The following TRABD2B variants were observed in gnomAD, a reference collection of about 807,000 sequenced individuals.
TRABD2B encodes TraB domain containing 2B.
Under a neutral mutation model 40.1 loss-of-function variants are expected in TRABD2B, and 14 were observed. That is an observed-to-expected ratio of 0.35 (90% CI 0.23 to 0.55). The LOEUF is 0.55. TRABD2B is among the 20% of genes least tolerant of loss of function. The pLI is 0.90. For synonymous variants in TRABD2B, 263 were observed against 277.0 expected, an observed-to-expected ratio of 0.95 and a Z score of 0.50; for missense variants, 541 against 648.6, an observed-to-expected ratio of 0.83 and a Z score of 1.80.
At chr1:47,844,609 G>C (rs1453256372) in intron 2 of TRABD2B, among the ~76,000 whole-genome samples, 1 of 152,192 alleles carries the variant, frequency 6.6e-6, no homozygotes, top group Non-Finnish European at 1.5e-5. Flanking sequence ...CAGACGCTCT[G>C]CTCCAAGGGT....
chr1:47,867,243 T>C (rs941922630), intron 2 of TRABD2B, among the ~76,000 whole-genome samples: 1 of 152,174 alleles, frequency 6.6e-6, no homozygotes, highest in Non-Finnish European at 1.5e-5. Context: ...CTTCCATATC[T>C]ATATCTTTTT....
chr1:47,977,680 G>GA (rs113365038), intron 2 of TRABD2B, among the ~76,000 whole-genome samples: 37,286 of 131,264 alleles, frequency 0.28, 5,047 homozygotes, highest in East Asian at 0.31. Flanking sequence ...TGGCCGGGAT[G>GA]AAAAAAAAAA....
At chr1:47,830,692 T>C (rs1163287320) in intron 2 of TRABD2B, among the ~76,000 whole-genome samples, 1 of 152,220 alleles carries the variant, frequency 6.6e-6, no homozygotes, top group Non-Finnish European at 1.5e-5. Flanking sequence ...TTATCTCTTT[T>C]TTATTTTCTT....
At chr1:47,879,153 T>C (rs1196310209) in intron 2 of TRABD2B, among the ~76,000 whole-genome samples, 1 of 151,622 alleles carries the variant, frequency 6.6e-6, no homozygotes, top group African/African-American at 2.4e-5. Context: ...TAGTACGACA[T>C]GTAGGAAGCA....
chr1:47,996,651 G>T lies in TRABD2B; in HGVS notation c.102+37C>A. 1 of 1,227,258 alleles carries T rather than the reference G, an allele frequency of 8.1e-7. No individual in the cohort carries two copies. Among genetic ancestry groups the T allele is most frequent in the South Asian group, 4.1e-5 (1 of 24,318 alleles). 76.0% of individuals were successfully genotyped at this position (1,227,258 alleles called of 1,614,324 possible). A position where few individuals can be genotyped will look rare whatever the true frequency, so the allele number is the denominator to read the frequency against. On this transcript the variant is annotated intron_variant, in intron 1 of 6. Transcript: ENST00000606738. This position sits in a 1 kb window ranked among gnomAD's most constrained non-coding sequence, Gnocchi z 4.6. The stretch of plus-strand genomic sequence containing the variant: ...TGGTCCCACGGGACTAGAATACCCA[G>T]GCAGGCGGGAGAGTGGCCGGGCAGG...
At chr1:47,863,823 T>C (rs1057460550) in intron 2 of TRABD2B, among the ~76,000 whole-genome samples, 4 of 152,200 alleles carry the variant, frequency 2.6e-5, no homozygotes, top group Non-Finnish European at 4.4e-5. Context: ...TTGTTCATAA[T>C]TGACGGAACT....
intron 2 of TRABD2B, among the ~76,000 whole-genome samples, chr1:47,898,980 G>A (rs370867445): frequency 2.6e-5 from 4 of 152,090 alleles, no homozygotes; most frequent in Non-Finnish European, 5.9e-5. Flanking sequence ...CAGTCTTCAC[G>A]GCCTTCACCA....
intron 2 of TRABD2B, among the ~76,000 whole-genome samples, chr1:47,871,438 C>G (rs1379841210): frequency 4.6e-5 from 7 of 152,122 alleles, no homozygotes; most frequent in African/African-American, 1.7e-4. Flanking sequence ...CAAAAACAAA[C>G]CAGCCCCCAC....
chr1:47,905,467 T>C (rs1030168026), intron 2 of TRABD2B, among the ~76,000 whole-genome samples: 6 of 152,154 alleles, frequency 3.9e-5, no homozygotes, highest in African/African-American at 1.2e-4. Context: ...GGAGTACATG[T>C]TGCAACCTAC....
At chr1:47,988,366 G>A (rs187200712) in intron 2 of TRABD2B, among the ~76,000 whole-genome samples, 2 of 152,298 alleles carry the variant, frequency 1.3e-5, no homozygotes, top group Admixed American at 1.3e-4. Context: ...GCACACTCAG[G>A]TAATGAATTC....
At chr1:47,791,230 A>G (rs1162810926) in intron 4 of TRABD2B, among the ~76,000 whole-genome samples, 1 of 152,170 alleles carries the variant, frequency 6.6e-6, no homozygotes, top group Non-Finnish European at 1.5e-5. Flanking sequence ...GCTTGGCCCC[A>G]TCCAGACTCC....
intron 4 of TRABD2B, among the ~76,000 whole-genome samples, chr1:47,791,591 G>A (rs917721901): frequency 1.1e-4 from 16 of 152,136 alleles, no homozygotes; most frequent in African/African-American, 3.1e-4. Context: ...CCGGCAGTCC[G>A]GGGACAGAAC....
rs116144490 is a variant in TRABD2B at position 47,911,830 on chromosome 1, T to G, written c.666+82204A>C. ...TATTCATAAATCATTAAGAATTACA[T>G]AACAGCAACAGCAGAAGATGAAATA... On this transcript the variant is annotated intron_variant, in intron 2 of 6. Coordinates refer to ENST00000606738, the MANE Select transcript of TRABD2B (RefSeq NM_001194986.2). 8.4e-3 allele frequency among the ~76,000 whole-genome samples: 1,276 copies of G among 152,320 alleles called. 13 individuals are homozygous for G. The highest frequency in any genetic ancestry group is 0.034 in the Middle Eastern group (10 of 294).
At position 47,862,767 on chromosome 1, in the gene TRABD2B, A is replaced by C. The variant is rs11809334; in HGVS notation, c.667-61148T>G. The stretch of plus-strand genomic sequence containing the variant: ...TTTATATGGAGAGGCAAAAGACTGG[A>C]TAGTGAACACAATATTAAAGGAGAA... On this transcript the variant is annotated intron_variant, in intron 2 of 6. Transcript: ENST00000606738. Among the ~76,000 whole-genome samples, 874 of 152,262 alleles carry C rather than the reference A, an allele frequency of 5.7e-3. 13 individuals carry two copies. Among genetic ancestry groups the C allele is most frequent in the African/African-American group, 0.02 (812 of 41,560 alleles).
At chr1:47,971,411 G>A (rs956726668) in intron 2 of TRABD2B, among the ~76,000 whole-genome samples, 1 of 152,200 alleles carries the variant, frequency 6.6e-6, no homozygotes, top group Non-Finnish European at 1.5e-5. Context: ...ATAGTTATAA[G>A]TGGAGAAAGG....
chr1:47,836,719 A>T (rs149079009), intron 2 of TRABD2B, among the ~76,000 whole-genome samples: 10 of 152,302 alleles, frequency 6.6e-5, no homozygotes, highest in African/African-American at 2.4e-4. Context: ...TTGGGAGGTA[A>T]TTAGGTTATG....
At chr1:47,913,056 G>T (rs1644783818) in intron 2 of TRABD2B, among the ~76,000 whole-genome samples, 2 of 152,144 alleles carry the variant, frequency 1.3e-5, no homozygotes, top group Non-Finnish European at 2.9e-5. Context: ...TACTTCTTCA[G>T]TTCAGTTCCC....
intron 2 of TRABD2B, among the ~76,000 whole-genome samples, chr1:47,806,958 G>A (rs1189290521): frequency 6.6e-6 from 1 of 152,200 alleles, no homozygotes; most frequent in Non-Finnish European, 1.5e-5. Context: ...GGGAATCACT[G>A]CAAAGGCCCC....
intron 2 of TRABD2B, among the ~76,000 whole-genome samples, chr1:47,972,426 G>T (rs936200533): frequency 4.6e-5 from 7 of 152,170 alleles, no homozygotes; most frequent in Non-Finnish European, 8.8e-5. Flanking sequence ...CAATGTGATG[G>T]TATTAGGAGA....
Sources: allele counts gnomAD v4.1 joint callset (sites outside exome capture counted in the v4.1 genomes callset), GRCh38; gene constraint gnomAD v4.1.1; non-coding constraint Gnocchi (gnomAD v3.1); transcripts MANE v1.5; gene names NCBI Gene and HGNC (gene_info 2026-07-23, HGNC 2026-07-21).